The following MMS22L variants were observed in gnomAD, a reference collection of about 807,000 sequenced individuals.
The protein encoded by MMS22L is protein MMS22-like.
Under a neutral mutation model 159.1 loss-of-function variants are expected in MMS22L, and 74 were observed. The ratio of observed to expected loss-of-function variants is 0.47; its 90% CI spans 0.39 to 0.56. MMS22L has a LOEUF of 0.56. Among genes scored for constraint, MMS22L ranks in the 20% least tolerant of loss-of-function variants. MMS22L has a pLI of 0.00. For synonymous variants in MMS22L, 517 were observed against 506.9 expected, an observed-to-expected ratio of 1.02 and a Z score of -0.27; for missense variants, 1,351 against 1,422.1, an observed-to-expected ratio of 0.95 and a Z score of 0.80.
At chr6:97,262,159 A>G (rs1814544695) in intron 9 of MMS22L, among the ~76,000 whole-genome samples, 1 of 152,180 alleles carries the variant, frequency 6.6e-6, no homozygotes, top group Non-Finnish European at 1.5e-5. Context: ...TTTATCTTCT[A>G]TTCTTGTACC....
At chr6:97,243,482 ATC>A (rs1348461112) in intron 11 of MMS22L, among the ~76,000 whole-genome samples, 2 of 151,900 alleles carry the variant, frequency 1.3e-5, no homozygotes, top group African/African-American at 4.8e-5. Context: ...TTTCATGCAT[ATC>A]TGTTATTATT....
Position 97,263,419 on chromosome 6 carries a change from G to A in MMS22L, c.858C>T (p.Asp286=), listed in dbSNP as rs1187272511. The A allele has an allele frequency of 1.3e-6, 2 of 1,584,950 alleles. No homozygotes were observed. The highest frequency in any genetic ancestry group is 2.7e-5 in the African/African-American group (2 of 73,052). ...CTTTAATGCATAAACATGGACACTG[G>A]TCACTCATTAATGATTCAGAAGACC... ...KVRSSESLMS[D]QCPCLCIKEL... Residue 286 remains aspartate (D), a synonymous_variant, in exon 9 of 25, where the codon GAC becomes GAT. Coordinates refer to ENST00000683635, the MANE Select transcript of MMS22L (RefSeq NM_001350599.2).
At chr6:97,196,828 A>G (rs1388842556) in intron 14 of MMS22L, among the ~76,000 whole-genome samples, 3 of 152,140 alleles carry the variant, frequency 2.0e-5, no homozygotes, top group Non-Finnish European at 4.4e-5. Flanking sequence ...ATACGAATCT[A>G]TATTACTCAT....
At chr6:97,161,652 C>G (rs1466634742) in intron 22 of MMS22L, among the ~76,000 whole-genome samples, 1 of 152,006 alleles carries the variant, frequency 6.6e-6, no homozygotes, top group Non-Finnish European at 1.5e-5. Flanking sequence ...GTATGATGAC[C>G]TCTCATTACT....
chr6:97,215,091 A>AATATATATATATAT (rs1167446221), intron 14 of MMS22L, among the ~76,000 whole-genome samples: 5 of 141,292 alleles, frequency 3.5e-5, no homozygotes, highest in African/African-American at 1.3e-4. Context: ...TCATGTTTTA[A>AATATATATATATAT]ATATATATAT....
At position 97,229,289 on chromosome 6, in the gene MMS22L, T is replaced by G. The variant is rs375538926; in HGVS notation, c.1644A>C (p.Ala548=). 6.2e-7 allele frequency: 1 copy of G among 1,614,144 alleles called. No individual in the cohort carries two copies. The highest frequency in any genetic ancestry group is 1.7e-5 in the Admixed American group (1 of 60,020). The change falls in exon 14 of 25, where the codon GCA becomes GCC. Residue 548 remains alanine (A), a synonymous_variant. Transcript: ENST00000683635. The stretch of plus-strand genomic sequence containing the variant: ...AATTCAGGAGGTCTAAAACATGACT[T>G]GCAACATCTTCTACCTCTGCAACAG... ...LAAVAEVEDV[A]SHVLDLLNFL...
intron 19 of MMS22L, among the ~76,000 whole-genome samples, chr6:97,168,787 G>T (rs1562411047): frequency 6.6e-6 from 1 of 152,112 alleles, no homozygotes; most frequent in Non-Finnish European, 1.5e-5. Flanking sequence ...GCTGAATGTT[G>T]AAATTATTCA....
rs369262170 is a variant in MMS22L at position 97,146,761 on chromosome 6, C to T, written c.*45G>A. 1.9e-5 allele frequency: 23 copies of T among 1,226,866 alleles called. No homozygotes were observed. In the African/African-American group the frequency reaches 3.4e-4, roughly 18 times the overall value. The allele number at this position is 1,226,866 out of a possible 1,614,324, so 76.0% of individuals were successfully genotyped here. On this transcript the variant is annotated 3_prime_UTR_variant, in exon 25 of 25. Coordinates refer to ENST00000683635, the MANE Select transcript of MMS22L (RefSeq NM_001350599.2). Reference sequence around the variant, plus strand: ...TAGGAATTAGAGTGGAACAATGTGGCTTTAGATACTGATAATTAATAGACA... The same window carrying T: ...TAGGAATTAGAGTGGAACAATGTGGTTTTAGATACTGATAATTAATAGACA...
At chr6:97,161,130 C>A (rs761185543) in intron 22 of MMS22L, among the ~76,000 whole-genome samples, 1 of 151,904 alleles carries the variant, frequency 6.6e-6, no homozygotes, top group Non-Finnish European at 1.5e-5. Context: ...CTTTGCATGT[C>A]CTGTAATTTT....
intron 17 of MMS22L, 139 bp downstream of exon 17, chr6:97,179,264 AAAAGG>A: frequency 1.6e-6 from 1 of 638,138 alleles, no homozygotes; most frequent in Non-Finnish European, 2.4e-6. Context: ...AACAGGCTAC[AAAAGG>A]AAATTAAGTT....
In MMS22L at chr6:97,262,421, G is replaced by A. The variant is rs1814580492; in HGVS notation, c.942+914C>T. ...GCACTTTGGGAGGCCAAGGCAGGCA[G>A]ATCACTTGAGGTCAGGAGTTCAAGA... On this transcript the variant is annotated intron_variant, in intron 9 of 24. Coordinates refer to ENST00000683635, the MANE Select transcript of MMS22L (RefSeq NM_001350599.2). Among the ~76,000 whole-genome samples the A allele has an allele frequency of 2.0e-5, 3 of 152,120 alleles. No individual in the cohort carries two copies. In the South Asian group the frequency reaches 6.2e-4, roughly 32 times the overall value.
intron 9 of MMS22L, among the ~76,000 whole-genome samples, chr6:97,257,143 T>C (rs1017809846): frequency 6.6e-6 from 1 of 152,212 alleles, no homozygotes; most frequent in African/African-American, 2.4e-5. Context: ...TCATTTTTTC[T>C]TCAAATATTT....
chr6:97,276,834 T>G (rs967248119), intron 4 of MMS22L, among the ~76,000 whole-genome samples: 2 of 152,178 alleles, frequency 1.3e-5, no homozygotes, highest in African/African-American at 4.8e-5. Context: ...TGTACATTCC[T>G]TTATCACCGT....
At position 97,254,653 on chromosome 6, in the gene MMS22L, T is replaced by A; in HGVS notation, c.1023A>T (p.Val341=). The change falls in exon 10 of 25, where the codon GTA becomes GTT. Residue 341 remains valine (V), a synonymous_variant. Transcript: ENST00000683635. ...SSDRRRSSMP[V]IQSRDPLGFS... ...AACCTAATGGATCCCTGGACTGGATTACAGGCATAGAGGATCTTCTTCGGT... is the reference window on the plus strand; with the variant it reads ...AACCTAATGGATCCCTGGACTGGATAACAGGCATAGAGGATCTTCTTCGGT... 6.2e-7 allele frequency: 1 copy of A among 1,613,520 alleles called. No homozygotes were observed. The highest frequency in any genetic ancestry group is 8.5e-7 in the Non-Finnish European group (1 of 1,179,726).
intron 16 of MMS22L, among the ~76,000 whole-genome samples, chr6:97,180,197 G>A (rs1804566549): frequency 6.6e-6 from 1 of 152,010 alleles, no homozygotes; most frequent in Non-Finnish European, 1.5e-5. Flanking sequence ...TGCCTCCCGG[G>A]TTCACGCCAT....
intron 9 of MMS22L, chr6:97,260,559 G>A (rs1184341569): frequency 6.6e-6 from 1 of 152,082 alleles, no homozygotes; most frequent in Non-Finnish European, 1.5e-5. Flanking sequence ...TAACATTTGA[G>A]TATCTTATTC....
At chr6:97,241,054 A>G (rs912912039) in intron 11 of MMS22L, among the ~76,000 whole-genome samples, 2 of 152,224 alleles carry the variant, frequency 1.3e-5, no homozygotes, top group African/African-American at 4.8e-5. Context: ...AAACGAGAAC[A>G]TATGTTGGTT....
chr6:97,201,151 A>G (rs1431461807), intron 14 of MMS22L, among the ~76,000 whole-genome samples: 1 of 152,192 alleles, frequency 6.6e-6, no homozygotes, highest in Non-Finnish European at 1.5e-5. Flanking sequence ...TCAGCTTACA[A>G]CATCTGTGTA....
intron 13 of MMS22L, chr6:97,230,861 G>A (rs1178515128): frequency 1.3e-5 from 2 of 152,708 alleles, no homozygotes; most frequent in Non-Finnish European, 2.9e-5. Context: ...TGATTCTTGA[G>A]AAGTCCCTAC....
Sources: allele counts gnomAD v4.1 joint callset (sites outside exome capture counted in the v4.1 genomes callset), GRCh38; gene constraint gnomAD v4.1.1; transcripts MANE v1.5; gene names NCBI Gene and HGNC (gene_info 2026-07-23, HGNC 2026-07-21).